ULK4: variants seen among roughly 807,000 people sequenced by gnomAD.
The protein encoded by ULK4 is inactive serine/threonine-protein kinase ULK4.
In ULK4, 133 loss-of-function variants were observed where a neutral mutation model predicts 160.6. The ratio of observed to expected loss-of-function variants is 0.83; its 90% CI spans 0.72 to 0.96. The LOEUF is 0.96. Among genes scored for constraint, ULK4 ranks in the 40% least tolerant of loss-of-function variants. The pLI is 0.00. For missense variants in ULK4, 1,580 were observed against 1,499.5 expected, an observed-to-expected ratio of 1.05 and a Z score of -0.89; for synonymous variants, 534 against 539.8, an observed-to-expected ratio of 0.99 and a Z score of 0.15.
chr3:41,598,419 A>G (rs1027213057), intron 31 of ULK4, among the ~76,000 whole-genome samples: 2 of 152,218 alleles, frequency 1.3e-5, no homozygotes, highest in African/African-American at 4.8e-5. Context: ...ATAGAGAAAC[A>G]TATGTAAGCA....
At chr3:41,757,212 C>A (rs1389804108) in intron 21 of ULK4, among the ~76,000 whole-genome samples, 2 of 151,956 alleles carry the variant, frequency 1.3e-5, no homozygotes, top group African/African-American at 4.8e-5. Context: ...TCACATTAAC[C>A]AAGGATAATT....
At chr3:41,800,635 A>G (rs928943871) in intron 19 of ULK4, among the ~76,000 whole-genome samples, 34 of 152,200 alleles carry the variant, frequency 2.2e-4, no homozygotes, top group Non-Finnish European at 4.1e-4. Context: ...ATAACATAAA[A>G]ACTGGAAGAT....
intron 32 of ULK4, among the ~76,000 whole-genome samples, chr3:41,511,383 G>C (rs1328849152): frequency 6.6e-6 from 1 of 151,960 alleles, no homozygotes; most frequent in Non-Finnish European, 1.5e-5. Context: ...AAAATTGATA[G>C]ACCATTAGTG....
intron 17 of ULK4, among the ~76,000 whole-genome samples, chr3:41,878,834 G>A (rs1277697631): frequency 1.3e-5 from 2 of 152,064 alleles, no homozygotes; most frequent in Non-Finnish European, 2.9e-5. Flanking sequence ...ATGTTTAATT[G>A]TCTCACTTCC....
intron 12 of ULK4, among the ~76,000 whole-genome samples, chr3:41,907,059 T>C (rs1220429955): frequency 1.3e-5 from 2 of 152,260 alleles, no homozygotes; most frequent in African/African-American, 2.4e-5. Context: ...AGACCACATA[T>C]TGTATGATTC....
chr3:41,895,443 T>C, intron 16 of ULK4, 75 bp downstream of exon 16: 1 of 856,260 alleles, frequency 1.2e-6, no homozygotes, highest in Non-Finnish European at 1.7e-6. Flanking sequence ...AGGACTCTGC[T>C]TTTGATAAAT....
At chr3:41,895,373 C>T in intron 16 of ULK4, 145 bp downstream of exon 16, 2 of 375,296 alleles carry the variant, frequency 5.3e-6, no homozygotes, top group Admixed American at 9.5e-5. Flanking sequence ...TTGGAATGCC[C>T]ATAAAAATTG....
At chr3:41,436,927 T>C (rs535906027) in intron 34 of ULK4, among the ~76,000 whole-genome samples, 1 of 152,340 alleles carries the variant, frequency 6.6e-6, no homozygotes, top group East Asian at 1.9e-4. Context: ...TATCATTTCA[T>C]GGATATAGCA....
chr3:41,545,387 C>T (rs1270099905), intron 32 of ULK4, among the ~76,000 whole-genome samples: 1 of 152,038 alleles, frequency 6.6e-6, no homozygotes, highest in Non-Finnish European at 1.5e-5. Context: ...TTTTAAAAGA[C>T]ACTTTCTGGA....
chr3:41,833,712 T>TTC (rs1284721474), intron 18 of ULK4, among the ~76,000 whole-genome samples: 5 of 152,182 alleles, frequency 3.3e-5, no homozygotes, highest in African/African-American at 1.2e-4. Flanking sequence ...TGATTTTGTA[T>TTC]TCTGAGACTT....
intron 21 of ULK4, among the ~76,000 whole-genome samples, chr3:41,783,226 C>T (rs761890325): frequency 6.6e-6 from 1 of 152,086 alleles, no homozygotes; most frequent in South Asian, 2.1e-4. Context: ...TCTGAATTTT[C>T]TTTTTTTATT....
chr3:41,935,653 G>A, intron 4 of ULK4, 148 bp downstream of exon 4: 1 of 949,968 alleles, frequency 1.1e-6, no homozygotes, highest in South Asian at 1.8e-5. Flanking sequence ...GAGCCACCGT[G>A]CCCTGCCTCC....
intron 4 of ULK4, among the ~76,000 whole-genome samples, chr3:41,934,862 G>C (rs1420498877): frequency 6.6e-6 from 1 of 151,996 alleles, no homozygotes; most frequent in Non-Finnish European, 1.5e-5. Flanking sequence ...TAAGAGCTAA[G>C]AGGGCCTTAT....
chr3:41,372,701 G>C (rs1395292095), intron 35 of ULK4, among the ~76,000 whole-genome samples: 8 of 152,164 alleles, frequency 5.3e-5, no homozygotes, highest in African/African-American at 1.9e-4. Flanking sequence ...AAAATGTAAA[G>C]ACTATTGACA....
At chr3:41,721,248 GCTTTGA>G (rs142690874) in intron 22 of ULK4, among the ~76,000 whole-genome samples, 1,448 of 58,186 alleles carry the variant, frequency 0.025, 48 homozygotes, top group Middle Eastern at 0.079. Context: ...GAAATTTTTC[GCTTTGA>G]ATTTTTTTTT....
At chr3:41,485,689 T>C (rs559390233) in intron 32 of ULK4, among the ~76,000 whole-genome samples, 3 of 152,256 alleles carry the variant, frequency 2.0e-5, no homozygotes, top group Admixed American at 2.0e-4. Flanking sequence ...TCAACACCAG[T>C]GCTGTCAAGT....
At chr3:41,935,110 G>A (rs1025293264) in intron 4 of ULK4, among the ~76,000 whole-genome samples, 4 of 142,052 alleles carry the variant, frequency 2.8e-5, no homozygotes, top group African/African-American at 5.2e-5. Flanking sequence ...CTGCCTCCCG[G>A]ATTCAAGCAA....
chr3:41,305,527 T>C (rs1340273172), intron 35 of ULK4, among the ~76,000 whole-genome samples: 2 of 152,234 alleles, frequency 1.3e-5, no homozygotes, highest in Non-Finnish European at 2.9e-5. Flanking sequence ...CAGTGCTCAA[T>C]GTTGCCCAGG....
At chr3:41,430,396 G>A (rs2082877998) in intron 34 of ULK4, among the ~76,000 whole-genome samples, 1 of 152,134 alleles carries the variant, frequency 6.6e-6, no homozygotes, top group Non-Finnish European at 1.5e-5. Context: ...TTTGTCTATA[G>A]TTTTACACTA....
Sources: gnomAD v4.1 joint callset for allele counts (sites outside exome capture counted in the v4.1 genomes callset) on GRCh38, gnomAD v4.1.1 for gene constraint, MANE v1.5 for transcripts, NCBI Gene and HGNC (gene_info 2026-07-23, HGNC 2026-07-21) for gene names.